IL15: variants seen among roughly 807,000 people sequenced by gnomAD.
IL15 encodes interleukin-15.
A neutral mutation model predicts 19.6 loss-of-function variants in IL15; 11 were observed. The observed-to-expected ratio is 0.56, with a 90% CI of 0.35 to 0.93. IL15 has a LOEUF of 0.93. Among genes scored for constraint, IL15 ranks in the 40% least tolerant of loss-of-function variants. IL15 has a pLI of 0.01. For missense variants in IL15, 197 were observed against 186.5 expected (o/e 1.06, Z -0.33); for synonymous variants, 58 against 59.6 (o/e 0.97, Z 0.12).
chr4:141,682,446 A>G (rs1728563365), intron 2 of IL15, among the ~76,000 whole-genome samples: 4 of 152,260 alleles, frequency 2.6e-5, no homozygotes, highest in African/African-American at 2.4e-5. Flanking sequence ...TTTAAAGAAT[A>G]AAGTACTAGC....
At chr4:141,724,800 C>A (rs1025439688) in intron 5 of IL15, among the ~76,000 whole-genome samples, 1 of 152,094 alleles carries the variant, frequency 6.6e-6, no homozygotes, top group African/African-American at 2.4e-5. Context: ...ACATTGAATT[C>A]ATCATACACA....
intron 2 of IL15, among the ~76,000 whole-genome samples, chr4:141,690,175 C>A (rs984367707): frequency 2.0e-5 from 3 of 152,216 alleles, no homozygotes; most frequent in African/African-American, 7.2e-5. Context: ...CAAGCCCATG[C>A]CCACACGGAA....
intron 2 of IL15, among the ~76,000 whole-genome samples, chr4:141,709,914 T>A (rs1259983211): frequency 6.6e-6 from 1 of 152,080 alleles, no homozygotes; most frequent in Non-Finnish European, 1.5e-5. Context: ...TCAACCCTTG[T>A]TCTCCTCCCA....
intron 2 of IL15, among the ~76,000 whole-genome samples, chr4:141,659,837 G>A (rs769898634): frequency 4.5e-4 from 68 of 151,040 alleles, no homozygotes; most frequent in Non-Finnish European, 9.3e-4. Flanking sequence ...AGTGTCGTGT[G>A]CCTTCTGTTT....
At chr4:141,664,971 T>C (rs913909930) in intron 2 of IL15, among the ~76,000 whole-genome samples, 31 of 152,128 alleles carry the variant, frequency 2.0e-4, no homozygotes, top group African/African-American at 7.0e-4. Context: ...CTTTAAAGTG[T>C]TCATGTGCTA....
chr4:141,701,687 C>G (rs975888915), intron 2 of IL15, among the ~76,000 whole-genome samples: 6 of 152,098 alleles, frequency 3.9e-5, no homozygotes, highest in African/African-American at 1.4e-4. Flanking sequence ...GGGCAGGGAT[C>G]CCAGCCTTGA....
chr4:141,728,038 A>G, intron 6 of IL15, 54 bp downstream of exon 6: 1 of 865,326 alleles, frequency 1.2e-6, no homozygotes, highest in Non-Finnish European at 1.9e-6. Flanking sequence ...AAGTTTTTAA[A>G]AGTATATTTT....
chr4:141,721,495 C>A (rs1435520525), intron 4 of IL15: 2 of 554,658 alleles, frequency 3.6e-6, no homozygotes, highest in East Asian at 8.7e-5. Context: ...CTATCAAAAT[C>A]ATTACATGAA....
chr4:141,662,752 T>C (rs1295590137), intron 2 of IL15, among the ~76,000 whole-genome samples: 1 of 152,200 alleles, frequency 6.6e-6, no homozygotes, highest in Non-Finnish European at 1.5e-5. Context: ...AGCTTTTTCT[T>C]CCTTTGTTGT....
chr4:141,644,406 A>G (rs1231459537), intron 1 of IL15, among the ~76,000 whole-genome samples: 1 of 152,124 alleles, frequency 6.6e-6, no homozygotes, highest in Non-Finnish European at 1.5e-5. Context: ...GCTGCTGGAG[A>G]TGAGACATTC....
intron 2 of IL15, among the ~76,000 whole-genome samples, chr4:141,670,732 T>C (rs1239342434): frequency 6.6e-6 from 1 of 152,222 alleles, no homozygotes; most frequent in African/African-American, 2.4e-5. Context: ...CTTTCATATA[T>C]GTAAATGCAG....
intron 2 of IL15, among the ~76,000 whole-genome samples, chr4:141,698,130 G>A (rs1263116774): frequency 6.6e-6 from 1 of 152,070 alleles, no homozygotes; most frequent in Non-Finnish European, 1.5e-5. Flanking sequence ...TTTATGTGAT[G>A]TATCATATTT....
chr4:141,645,127 A>G (rs1325279257), intron 1 of IL15, among the ~76,000 whole-genome samples: 1 of 152,136 alleles, frequency 6.6e-6, no homozygotes, highest in African/African-American at 2.4e-5. Context: ...GTTCAATGAT[A>G]TTTAGAATTC....
chr4:141,719,155 G>C, intron 2 of IL15: 1 of 269,230 alleles, frequency 3.7e-6, no homozygotes, highest in Middle Eastern at 1.1e-3. Context: ...TCAAATCCTG[G>C]CTGTCATGTA....
At chr4:141,714,112 T>C (rs1729795513) in intron 2 of IL15, among the ~76,000 whole-genome samples, 1 of 152,082 alleles carries the variant, frequency 6.6e-6, no homozygotes, top group South Asian at 2.1e-4. Context: ...CCTCCTCCTG[T>C]CCCCATCCTC....
At chr4:141,667,398 G>T (rs958876575) in intron 2 of IL15, among the ~76,000 whole-genome samples, 5 of 152,152 alleles carry the variant, frequency 3.3e-5, no homozygotes, top group Non-Finnish European at 4.4e-5. Context: ...GCTATTTCCA[G>T]GTAGAGAGTT....
chr4:141,732,897 CT>C lies in IL15; in HGVS notation c.*50del. 6.3e-7 allele frequency: 1 copy of C among 1,585,904 alleles called. No individual in the cohort carries two copies. The highest frequency in any genetic ancestry group is 8.5e-7 in the Non-Finnish European group (1 of 1,169,678). ...GTTTCTGTTATTAACAAACATCACT[CT>C]GCTGCTTAGACATAACAAAACACTC... On this transcript the variant is annotated 3_prime_UTR_variant, in exon 8 of 8. Coordinates refer to ENST00000320650, the MANE Select transcript of IL15 (RefSeq NM_000585.5).
intron 2 of IL15, among the ~76,000 whole-genome samples, chr4:141,671,508 T>C (rs528532615): frequency 6.6e-6 from 1 of 152,312 alleles, no homozygotes; most frequent in African/African-American, 2.4e-5. Flanking sequence ...TCTCATTGTT[T>C]TACTGGTTGA....
intron 1 of IL15, among the ~76,000 whole-genome samples, chr4:141,653,295 T>C (rs1364387819): frequency 1.3e-5 from 2 of 152,206 alleles, no homozygotes; most frequent in African/African-American, 4.8e-5. Context: ...TTATGGAGAA[T>C]GTCATAGTTT....
Sources: allele counts gnomAD v4.1 joint callset (sites outside exome capture counted in the v4.1 genomes callset), GRCh38; gene constraint gnomAD v4.1.1; transcripts MANE v1.5; gene names NCBI Gene and HGNC (gene_info 2026-07-23, HGNC 2026-07-21).